The following ATRN variants were observed in gnomAD, a reference collection of about 807,000 sequenced individuals.
ATRN encodes the protein attractin-2.
ATRN carries 54 observed loss-of-function variants against 178.7 expected under a neutral mutation model. That is an observed-to-expected ratio of 0.30 (90% CI 0.24 to 0.38). The LOEUF (loss-of-function observed/expected upper bound fraction) is 0.38. Ranked by LOEUF, ATRN falls within the 10% of genes least tolerant of loss-of-function variation. The pLI is 1.00. For synonymous variants in ATRN, 636 were observed against 663.0 expected (o/e 0.96, Z 0.63); for missense variants, 1,443 against 1,815.1 (o/e 0.79, Z 3.73).
intron 1 of ATRN, chr20:3,490,960 CCTT>C (rs745402582): frequency 1.0e-5 from 15 of 1,468,050 alleles, no homozygotes; most frequent in Non-Finnish European, 1.2e-5. Context: ...ATGAGCCTTT[CCTT>C]CTCCTCATGA....
chr20:3,524,407 TC>T (rs2085336930), intron 1 of ATRN, among the ~76,000 whole-genome samples: 2 of 152,254 alleles, frequency 1.3e-5, no homozygotes, highest in African/African-American at 4.8e-5. Context: ...GCACCCAGAT[TC>T]GTAAAGCAAG....
intron 6 of ATRN, among the ~76,000 whole-genome samples, chr20:3,554,585 C>T (rs2085840460): frequency 6.6e-6 from 1 of 152,000 alleles, no homozygotes; most frequent in African/African-American, 2.4e-5. Flanking sequence ...CTGCCCGCCT[C>T]GGCCTCCCAA....
At chr20:3,511,093 G>A (rs1020856859) in intron 1 of ATRN, among the ~76,000 whole-genome samples, 3 of 152,086 alleles carry the variant, frequency 2.0e-5, no homozygotes, top group Admixed American at 6.5e-5. Context: ...TCAAACCTTT[G>A]AGATACAGCT....
At chr20:3,570,644 A>G (rs1010036764) in intron 11 of ATRN, among the ~76,000 whole-genome samples, 2 of 152,092 alleles carry the variant, frequency 1.3e-5, no homozygotes, top group African/African-American at 4.8e-5. Flanking sequence ...TTAGCCAGTG[A>G]GGGCATCTTT....
rs1378893694 is a variant in ATRN at position 3,582,204 on chromosome 20, A to G, written c.2614A>G (p.Met872Val). ...INVSYWCWEDMSPFTNSLLQW... is the reference protein window; with the variant it reads ...INVSYWCWEDVSPFTNSLLQW... ...TGTGTCCTACTGGTGCTGGGAAGAT[A>G]TGTCCCCATTTACAAATAGTTTACT... Residue 872 changes from methionine (M) to valine (V), a missense_variant, in exon 16 of 29, where the codon ATG (methionine) becomes GTG (valine). Transcript: ENST00000262919. 1.2e-6 allele frequency: 2 copies of G among 1,614,176 alleles called. No individual in the cohort carries two copies. Among genetic ancestry groups the G allele is most frequent in the East Asian group, 2.2e-5 (1 of 44,886 alleles).
intron 1 of ATRN, chr20:3,490,689 A>G (rs6115922): frequency 0.019 from 15,401 of 810,416 alleles, 967 homozygotes; most frequent in African/African-American, 0.17. Flanking sequence ...GAGCTCCTCA[A>G]ATTTCACTGA....
intron 1 of ATRN, among the ~76,000 whole-genome samples, chr20:3,504,000 A>G (rs899735750): frequency 1.3e-5 from 2 of 152,200 alleles, no homozygotes; most frequent in African/African-American, 4.8e-5. Context: ...CACCAATTCA[A>G]ATGGCAGTAG....
intron 1 of ATRN, among the ~76,000 whole-genome samples, chr20:3,497,758 T>C (rs1031840652): frequency 2.3e-4 from 35 of 152,186 alleles, no homozygotes; most frequent in African/African-American, 7.7e-4. Context: ...GCAGAGTGTT[T>C]TCCAATTTGG....
At chr20:3,618,818 T>C (rs1394340453) in intron 24 of ATRN, among the ~76,000 whole-genome samples, 7 of 145,682 alleles carry the variant, frequency 4.8e-5, no homozygotes, top group Non-Finnish European at 9.0e-5. Flanking sequence ...TAGAGTTCCA[T>C]GTATGAACTT....
intron 27 of ATRN, among the ~76,000 whole-genome samples, chr20:3,643,117 C>T (rs985228614): frequency 1.3e-5 from 2 of 152,130 alleles, no homozygotes; most frequent in Non-Finnish European, 1.5e-5. Context: ...TGAGCCACTG[C>T]GTAAGCCCTG....
At chr20:3,523,011 C>T (rs893701554) in intron 1 of ATRN, among the ~76,000 whole-genome samples, 1 of 151,982 alleles carries the variant, frequency 6.6e-6, no homozygotes, top group Non-Finnish European at 1.5e-5. Flanking sequence ...TCTTCTTCTC[C>T]AGAGGATCAC....
chr20:3,485,868 C>T (rs2146078535), intron 1 of ATRN, among the ~76,000 whole-genome samples: 1 of 152,150 alleles, frequency 6.6e-6, no homozygotes, highest in East Asian at 1.9e-4. Flanking sequence ...AATCCTCCTG[C>T]CTCAGCCTCC....
At position 3,520,556 on chromosome 20, in the gene ATRN, G is replaced by C. The variant is rs1481115997; in HGVS notation, c.411-14697G>C. 3.3e-5 allele frequency among the ~76,000 whole-genome samples: 5 copies of C among 152,198 alleles called. No individual in the cohort carries two copies. In the East Asian group the frequency reaches 7.7e-4, roughly 23 times the overall value. On this transcript the variant is annotated intron_variant, in intron 1 of 28. Coordinates refer to ENST00000262919, the MANE Select transcript of ATRN (RefSeq NM_139321.3). ...GTCACCCAGGCTGGAGTGCAGTGGT[G>C]GGATCTTGGCTCAGTGTTACCTCCG... is the stretch of plus-strand genomic sequence containing the variant.
At chr20:3,516,247 T>C in intron 1 of ATRN, among the ~76,000 whole-genome samples, 1 of 152,202 alleles carries the variant, frequency 6.6e-6, no homozygotes, top group East Asian at 1.9e-4. Flanking sequence ...CTGTATGAGA[T>C]GTGTGTTTAT....
intron 1 of ATRN, among the ~76,000 whole-genome samples, chr20:3,530,262 A>G (rs947541665): frequency 1.4e-5 from 2 of 147,568 alleles, no homozygotes; most frequent in Non-Finnish European, 1.5e-5. Context: ...TATATTATAT[A>G]TATATGTTTT....
At chr20:3,523,049 T>C (rs981624897) in intron 1 of ATRN, among the ~76,000 whole-genome samples, 6 of 151,852 alleles carry the variant, frequency 4.0e-5, no homozygotes, top group Non-Finnish European at 7.4e-5. Context: ...GGAACAAAAC[T>C]GGATGGAGAA....
chr20:3,515,298 G>A (rs1266405036), intron 1 of ATRN, among the ~76,000 whole-genome samples: 1 of 152,158 alleles, frequency 6.6e-6, no homozygotes, highest in Non-Finnish European at 1.5e-5. Context: ...GGTTAAAAAT[G>A]TATATAGGTG....
intron 1 of ATRN, among the ~76,000 whole-genome samples, chr20:3,521,787 A>T (rs2085300128): frequency 6.6e-6 from 1 of 152,074 alleles, no homozygotes; most frequent in South Asian, 2.1e-4. Context: ...ACCATATGTC[A>T]TGTGTTCTGT....
chr20:3,598,934 A>G (rs188391376), intron 22 of ATRN, among the ~76,000 whole-genome samples: 2 of 152,366 alleles, frequency 1.3e-5, no homozygotes, highest in Admixed American at 1.3e-4. Context: ...TTGCTTTGTT[A>G]ACAAATGTTA....
Sources: allele counts gnomAD v4.1 joint callset (sites outside exome capture counted in the v4.1 genomes callset), GRCh38; gene constraint gnomAD v4.1.1; transcripts MANE v1.5; gene names NCBI Gene and HGNC (gene_info 2026-07-23, HGNC 2026-07-21).